Variants in PZP observed in about 807,000 individuals in gnomAD.
The protein encoded by PZP is PZP alpha-2-macroglobulin like, also known as pregnancy zone protein.
Under a neutral mutation model 179.8 loss-of-function variants are expected in PZP, and 150 were observed. The observed-to-expected ratio is 0.83, with a 90% CI of 0.73 to 0.96. The LOEUF is 0.96. Ranked by LOEUF, PZP falls within the 40% of genes least tolerant of loss-of-function variation. The pLI, the probability that PZP is intolerant of heterozygous loss-of-function variation, is 0.00. For missense variants in PZP, 1,689 were observed against 1,764.0 expected (o/e 0.96, Z 0.76); for synonymous variants, 624 against 652.3 (o/e 0.96, Z 0.66).
chr12:9,160,552 A>T, intron 23 of PZP, 62 bp from the exon 24 acceptor site: 1 of 1,477,326 alleles, frequency 6.8e-7, no homozygotes, highest in Non-Finnish European at 9.3e-7. Flanking sequence ...CAACATTATT[A>T]ACAAAAATGG....
chr12:9,179,855 C>A (rs1942639526), intron 15 of PZP, among the ~76,000 whole-genome samples: 1 of 152,170 alleles, frequency 6.6e-6, no homozygotes, highest in Non-Finnish European at 1.5e-5. Flanking sequence ...AGATTTGATT[C>A]TTTACAGAAA....
intron 28 of PZP, among the ~76,000 whole-genome samples, chr12:9,156,851 A>AT (rs1454014007): frequency 6.6e-6 from 1 of 152,116 alleles, no homozygotes; most frequent in Non-Finnish European, 1.5e-5. Context: ...ATTTGGTACC[A>AT]TTTGCTGTTT....
chr12:9,200,805 A>AT, intron 6 of PZP, 87 bp downstream of exon 6: 1 of 1,385,666 alleles, frequency 7.2e-7, no homozygotes, highest in South Asian at 1.4e-5. Flanking sequence ...CAAGTTCAAC[A>AT]TATCTACAGG....
At chr12:9,174,025 AAAAG>A (rs1387850712) in intron 15 of PZP, among the ~76,000 whole-genome samples, 1 of 152,224 alleles carries the variant, frequency 6.6e-6, no homozygotes, top group Non-Finnish European at 1.5e-5. Flanking sequence ...TCACAACAAA[AAAAG>A]AAAGCTTCAG....
intron 15 of PZP, among the ~76,000 whole-genome samples, chr12:9,171,491 G>A (rs1592490507): frequency 6.6e-6 from 1 of 152,224 alleles, no homozygotes; most frequent in African/African-American, 2.4e-5. Context: ...CAAGGGCACA[G>A]AACCGGGCTG....
intron 7 of PZP, among the ~76,000 whole-genome samples, chr12:9,199,654 TA>T (rs1456691993): frequency 2.0e-5 from 3 of 151,980 alleles, no homozygotes; most frequent in Admixed American, 2.0e-4. Flanking sequence ...GAAATGTCAT[TA>T]AAAAAAGGAG....
chr12:9,200,988 G>C lies in PZP; in HGVS notation c.574C>G (p.Pro192Ala). ...LEAGINQLSF[P>A]LSSEPIQGSY... ...CCCTGAATGGGCTCTGATGAGAGGG[G>C]AAAGGACAACTGATTGATGCCAGCT... Residue 192 changes from proline (P) to alanine (A), a missense_variant, in exon 6 of 36, where the codon CCC becomes GCC. Transcript: ENST00000261336. 1.2e-6 allele frequency: 2 copies of C among 1,614,112 alleles called. No homozygotes were observed. The highest frequency in any genetic ancestry group is 1.7e-6 in the Non-Finnish European group (2 of 1,179,978).
chr12:9,199,513 A>AAAACATTCAATG (rs1385451246), intron 7 of PZP, among the ~76,000 whole-genome samples: 5 of 152,206 alleles, frequency 3.3e-5, no homozygotes, highest in Non-Finnish European at 7.3e-5. Flanking sequence ...AGATCAATGT[A>AAAACATTCAATG]AAACATTCAA....
rs893374750 is a variant in PZP, at chr12:9,175,899, G to A, written c.1839+5084C>T. On this transcript the variant is annotated intron_variant, in intron 15 of 35. Transcript: ENST00000261336. ...TTCAACCACTGTGGAAGAAAGTGTG[G>A]TGATTCCTCAAAGACCCAGAGGCAA... Among the ~76,000 whole-genome samples, 22 of 152,182 alleles carry A rather than the reference G, an allele frequency of 1.4e-4. 1 individual carries two copies. Among genetic ancestry groups the A allele is most frequent in the Admixed American group, 3.9e-4 (6 of 15,278 alleles).
chr12:9,164,923 GGT>G (rs1941479012), intron 19 of PZP, among the ~76,000 whole-genome samples: 1 of 152,148 alleles, frequency 6.6e-6, no homozygotes, highest in Non-Finnish European at 1.5e-5. Context: ...AGAAAAGCAA[GGT>G]GTGGCTTAGA....
chr12:9,161,822 T>G (rs777815263), intron 22 of PZP, among the ~76,000 whole-genome samples: 1 of 152,246 alleles, frequency 6.6e-6, no homozygotes, highest in African/African-American at 2.4e-5. Context: ...TAAATGTAAA[T>G]TATTTTCTAC....
chr12:9,201,280 C>G (rs767035252), intron 5 of PZP, 47 bp downstream of exon 5: 1 of 1,481,950 alleles, frequency 6.7e-7, no homozygotes, highest in Non-Finnish European at 9.3e-7. Flanking sequence ...ACCTCCTACT[C>G]TCTAAAAGCA....
At chr12:9,164,902 C>T (rs1035131082) in intron 19 of PZP, among the ~76,000 whole-genome samples, 5 of 152,128 alleles carry the variant, frequency 3.3e-5, no homozygotes, top group Non-Finnish European at 5.9e-5. Context: ...ATTCTGCAAG[C>T]GCTAAGAAAT....
Position 9,200,464 on chromosome 12 carries a change from A to C in PZP, c.671-16T>G, listed in dbSNP as rs372176024. ...TTGGGAAGCACTGTTAATAGAGATAATAGGAATAAGGAAGGTTGGTAAACA... is the reference window on the plus strand; with the variant it reads ...TTGGGAAGCACTGTTAATAGAGATACTAGGAATAAGGAAGGTTGGTAAACA... On this transcript the variant is annotated splice_polypyrimidine_tract_variant and intron_variant, in intron 6 of 35. Transcript: ENST00000261336. 4 of 1,564,172 alleles carry C rather than the reference A, an allele frequency of 2.6e-6. No homozygotes were observed. The highest frequency in any genetic ancestry group is 3.5e-6 in the Non-Finnish European group (4 of 1,138,594).
At position 9,202,623 on chromosome 12, in the gene PZP, G is replaced by C. The variant is rs142943281; in HGVS notation, c.329C>G (p.Thr110Arg). 4.8e-5 allele frequency: 77 copies of C among 1,614,048 alleles called. No homozygotes were observed. In the Admixed American group the frequency reaches 9.2e-4, roughly 19 times the overall value. ...AFLSIQIKGP[T>R]QDFRKRNTVL... The stretch of plus-strand genomic sequence containing the variant: ...TGTGTTCCTCTTCCTGAAATCTTGC[G>C]TAGGCCCCTTTATCTGGATGCTAAG... Residue 110 changes from threonine to arginine, a missense_variant, in exon 3 of 36, where the codon ACG becomes AGG. This residue lies in a region of PZP where 742 missense variants were observed against 730.5 expected (regional missense o/e 1.02). Transcript: ENST00000261336.
chr12:9,148,103 T>C (rs964043660), downstream of PZP, among the ~76,000 whole-genome samples: 3 of 152,364 alleles, frequency 2.0e-5, no homozygotes, highest in Non-Finnish European at 4.4e-5. Flanking sequence ...AAAATTACTT[T>C]AGAAATTATT....
intron 11 of PZP, 58 bp downstream of exon 11, chr12:9,194,019 A>C: frequency 1.3e-6 from 2 of 1,486,398 alleles, no homozygotes; most frequent in Non-Finnish European, 1.9e-6. Context: ...TTTCTTCTGA[A>C]TATATCACTG....
At chr12:9,181,416 A>C (rs1307713249) in intron 14 of PZP, among the ~76,000 whole-genome samples, 3 of 152,228 alleles carry the variant, frequency 2.0e-5, no homozygotes, top group Non-Finnish European at 4.4e-5. Context: ...ATTTTATAAC[A>C]AGCTTACCTA....
chr12:9,165,375 G>C lies in PZP; in HGVS notation c.2259-8C>G, dbSNP rs779492053. On this transcript the variant is annotated splice_polypyrimidine_tract_variant and splice_region_variant and intron_variant, in intron 18 of 35. Transcript: ENST00000261336. ...TCAGCCACACCTGATGAGCTGGGGA[G>C]GAGGGCAAGTGAAGAACAGAAATAA... 2 of 1,613,616 alleles carry C rather than the reference G, an allele frequency of 1.2e-6. No individual in the cohort carries two copies. The highest frequency in any genetic ancestry group is 1.7e-6 in the Non-Finnish European group (2 of 1,179,650).
Sources: allele counts gnomAD v4.1 joint callset (sites outside exome capture counted in the v4.1 genomes callset), GRCh38; gene constraint gnomAD v4.1.1; regional missense constraint gnomAD v4.1.1; transcripts MANE v1.5; gene names NCBI Gene and HGNC (gene_info 2026-07-23, HGNC 2026-07-21).